Variants in OBI1 observed in about 807,000 individuals in gnomAD.
OBI1 encodes the protein ring finger protein 219.
In OBI1, 59 loss-of-function variants were observed where a neutral mutation model predicts 62.4. The observed-to-expected ratio is 0.95, with a 90% confidence interval of 0.77 to 1.17. The LOEUF (loss-of-function observed/expected upper bound fraction) is 1.17. Ranked by LOEUF, OBI1 falls within the 50% of genes most tolerant of loss-of-function variation. OBI1 has a pLI of 0.00. For synonymous variants in OBI1, 302 were observed against 292.8 expected, an observed-to-expected ratio of 1.03 and a Z score of -0.32; for missense variants, 875 against 830.9, an observed-to-expected ratio of 1.05 and a Z score of -0.65.
At position 78,616,126 on chromosome 13, in the gene OBI1, C is replaced by T. The variant is rs1029305297; in HGVS notation, c.1635G>A (p.Met545Ile). Residue 545 changes from methionine (M) to isoleucine (I), a missense_variant, in exon 6 of 6, where the codon ATG becomes ATA. Transcript: ENST00000282003. ...GGCTCTTGCTGTTGTCTGACTCTGACATCATTGAATCCAACTCAGAGATTT... is the reference window on the plus strand; with the variant it reads ...GGCTCTTGCTGTTGTCTGACTCTGATATCATTGAATCCAACTCAGAGATTT... ...LDKISELDSM[M>I]SESDNSKSPC... 1.2e-6 allele frequency: 2 copies of T among 1,614,156 alleles called. No homozygotes were observed. The highest frequency in any genetic ancestry group is 1.3e-5 in the African/African-American group (1 of 75,058).
At chr13:78,631,129 T>C (rs1186385863) in intron 5 of OBI1, among the ~76,000 whole-genome samples, 2 of 152,166 alleles carry the variant, frequency 1.3e-5, no homozygotes, top group Non-Finnish European at 2.9e-5. Context: ...TCTGGATTTG[T>C]CTGTATGTTT....
intron 2 of OBI1, 53 bp from the exon 3 acceptor site, chr13:78,642,266 G>T: frequency 1.8e-6 from 2 of 1,136,600 alleles, no homozygotes; most frequent in South Asian, 1.3e-5. Context: ...CGGGAAGAAT[G>T]AAAATGATCC....
At chr13:78,635,612 G>A (rs1876003581) in intron 4 of OBI1, among the ~76,000 whole-genome samples, 1 of 152,038 alleles carries the variant, frequency 6.6e-6, no homozygotes, top group East Asian at 1.9e-4. Context: ...ATTGATTTCT[G>A]GGGTGCTGTT....
Position 78,617,803 on chromosome 13 carries a change from A to C in OBI1, c.639-681T>G, listed in dbSNP as rs1055700427. Among the ~76,000 whole-genome samples, 3 of 152,148 alleles carry C rather than the reference A, an allele frequency of 2.0e-5. No homozygotes were observed. In the East Asian group the frequency reaches 5.8e-4, roughly 29 times the overall value. On this transcript the variant is annotated intron_variant, in intron 5 of 5. Transcript: ENST00000282003. Reference sequence around the variant, plus strand: ...TCATTTCTTTCAACTTTGAAATATGAAGTCAGTGCTTGTGATTCCAATATA... The same window carrying C: ...TCATTTCTTTCAACTTTGAAATATGCAGTCAGTGCTTGTGATTCCAATATA...
At chr13:78,654,157 T>C (rs1876628642) in intron 1 of OBI1, among the ~76,000 whole-genome samples, 1 of 151,866 alleles carries the variant, frequency 6.6e-6, no homozygotes, top group South Asian at 2.1e-4. Context: ...CTACCAGAAA[T>C]GCTTTGGGAT....
chr13:78,630,975 C>T (rs1028729569), intron 5 of OBI1, among the ~76,000 whole-genome samples: 3 of 152,148 alleles, frequency 2.0e-5, no homozygotes, highest in Non-Finnish European at 4.4e-5. Context: ...TATCTTTCAA[C>T]AGTTTGTTAC....
chr13:78,640,186 C>A (rs187035240), intron 3 of OBI1, among the ~76,000 whole-genome samples: 1 of 150,314 alleles, frequency 6.7e-6, no homozygotes, highest in Non-Finnish European at 1.5e-5. Context: ...TGAGGGGGGC[C>A]GGGTTAAAAA....
chr13:78,639,470 G>C (rs1876137046), intron 3 of OBI1, among the ~76,000 whole-genome samples: 1 of 151,900 alleles, frequency 6.6e-6, no homozygotes, highest in African/African-American at 2.4e-5. Flanking sequence ...AATACCATTT[G>C]ACCCAGCCAT....
In OBI1 at chr13:78,653,938, A is replaced by C. The variant is rs576490673; in HGVS notation, c.72+5111T>G. Among the ~76,000 whole-genome samples the C allele has an allele frequency of 1.7e-4, 26 of 152,266 alleles. No individual in the cohort carries two copies. In the South Asian group the frequency reaches 5.4e-3, roughly 32 times the overall value. ...CACTACTTCAACATTAGGAATTTGG[A>C]AACTTTCCAAAATAAAATTCCTGGA... On this transcript the variant is annotated intron_variant, in intron 1 of 5. Transcript: ENST00000282003.
intron 1 of OBI1, among the ~76,000 whole-genome samples, chr13:78,646,584 G>A (rs1249997909): frequency 1.3e-5 from 2 of 152,074 alleles, no homozygotes; most frequent in Admixed American, 6.5e-5. Context: ...AGTAATTACA[G>A]TATAGAACCC....
At chr13:78,653,228 C>G (rs1018813628) in intron 1 of OBI1, among the ~76,000 whole-genome samples, 10 of 152,146 alleles carry the variant, frequency 6.6e-5, no homozygotes, top group Non-Finnish European at 1.2e-4. Context: ...TTGTTTTAGG[C>G]GGTTCCCTGC....
chr13:78,632,654 A>C (rs1875889368), intron 5 of OBI1, among the ~76,000 whole-genome samples: 1 of 152,110 alleles, frequency 6.6e-6, no homozygotes, highest in Non-Finnish European at 1.5e-5. Context: ...GAAATGTCTT[A>C]TTCTTTTCCA....
chr13:78,639,797 T>C (rs1876153376), intron 3 of OBI1, among the ~76,000 whole-genome samples: 1 of 138,966 alleles, frequency 7.2e-6, no homozygotes, highest in Admixed American at 7.6e-5. Flanking sequence ...AACAATGAGA[T>C]CACATGGACA....
intron 1 of OBI1, among the ~76,000 whole-genome samples, chr13:78,658,036 T>C (rs1876760673): frequency 6.6e-6 from 1 of 152,224 alleles, no homozygotes. Context: ...GACTTTCTTC[T>C]ACTTTTTGAA....
chr13:78,625,341 T>C (rs1198830311), intron 5 of OBI1, among the ~76,000 whole-genome samples: 2 of 152,240 alleles, frequency 1.3e-5, no homozygotes, highest in Admixed American at 1.3e-4. Context: ...TCTACCTGTC[T>C]ATACATTTTC....
Position 78,615,932 on chromosome 13 carries a change from G to A in OBI1, c.1829C>T (p.Thr610Ile). Reference protein sequence around the residue: ...QLENGSEWKPTSFFLLSPSDQ... With the variant: ...QLENGSEWKPISFFLLSPSDQ... ...AGATGGAGAGAGGAGAAAAAAAGAA[G>A]TGGGTTTCCATTCACTTCCATTTTC... is the stretch of plus-strand genomic sequence containing the variant. The change falls in exon 6 of 6, where the codon ACT (threonine) becomes ATT (isoleucine). Residue 610 changes from threonine to isoleucine, a missense_variant. Transcript: ENST00000282003. The A allele has an allele frequency of 6.2e-7, 1 of 1,613,812 alleles. No homozygotes were observed. The highest frequency in any genetic ancestry group is 8.5e-7 in the Non-Finnish European group (1 of 1,179,926).
Position 78,620,754 on chromosome 13 carries a change from T to A in OBI1, c.639-3632A>T, listed in dbSNP as rs1442107285. Reference sequence around the variant, plus strand: ...GTATAACTAAACTAAAGAGCATCTCTAACAACAAAAAGTTCCTAAGACCAT... The same window carrying A: ...GTATAACTAAACTAAAGAGCATCTCAAACAACAAAAAGTTCCTAAGACCAT... On this transcript the variant is annotated intron_variant, in intron 5 of 5. Coordinates refer to ENST00000282003, the MANE Select transcript of OBI1 (RefSeq NM_024546.4). The A allele has an allele frequency of 7.2e-6, 3 of 415,686 alleles. No homozygotes were observed. The East Asian group carries it at 2.2e-4, about 30-fold the overall frequency. 25.7% of individuals were successfully genotyped at this position (415,686 alleles called of 1,614,324 possible).
chr13:78,640,516 CAG>C (rs1162799865), intron 3 of OBI1, among the ~76,000 whole-genome samples: 3 of 151,908 alleles, frequency 2.0e-5, no homozygotes, highest in Admixed American at 6.6e-5. Flanking sequence ...GCTGACTGTA[CAG>C]AGTTATCAAG....
Position 78,616,144 on chromosome 13 carries a change from A to AC in OBI1, c.1616_1617insG (p.Glu540Ter). ...ACTCTGACATCATTGAATCCAACTCAGAGATTTTGTCAAGGTAAGCAGCAT... is the reference window on the plus strand; with the variant it reads ...ACTCTGACATCATTGAATCCAACTCACGAGATTTTGTCAAGGTAAGCAGCAT... On this transcript the variant is annotated frameshift_variant, in exon 6 of 6. Coordinates refer to ENST00000282003, the MANE Select transcript of OBI1 (RefSeq NM_024546.4). LOFTEE classifies it high-confidence loss of function. The AC allele has an allele frequency of 6.2e-7, 1 of 1,614,080 alleles. No homozygotes were observed. Among genetic ancestry groups the AC allele is most frequent in the Non-Finnish European group, 8.5e-7 (1 of 1,179,978 alleles).
Sources: allele counts gnomAD v4.1 joint callset (sites outside exome capture counted in the v4.1 genomes callset), GRCh38; gene constraint gnomAD v4.1.1; transcripts MANE v1.5; gene names NCBI Gene and HGNC (gene_info 2026-07-23, HGNC 2026-07-21).